Variants in PCDH7 observed in about 807,000 individuals in gnomAD.
The protein encoded by PCDH7 is protocadherin-7.
Under a neutral mutation model 58.9 loss-of-function variants are expected in PCDH7, and 17 were observed. The observed-to-expected ratio is 0.29, with a 90% CI of 0.20 to 0.43. The LOEUF (loss-of-function observed/expected upper bound fraction) is 0.43. Ranked by LOEUF, PCDH7 falls within the 20% of genes least tolerant of loss-of-function variation. The probability of loss-of-function intolerance (pLI) is 1.00; values close to 1 mark genes in which losing one functional copy is unlikely to be tolerated. For synonymous variants in PCDH7, 664 were observed against 616.4 expected (o/e 1.08, Z -1.14); for missense variants, 1,274 against 1,441.0 (o/e 0.88, Z 1.88).
At chr4:30,852,288 A>G (rs1049199869) in intron 1 of PCDH7, among the ~76,000 whole-genome samples, 1 of 152,080 alleles carries the variant, frequency 6.6e-6, no homozygotes. Context: ...TTATATGTAG[A>G]TATATACAGA....
At chr4:30,905,930 G>A (rs1740860877) in intron 1 of PCDH7, among the ~76,000 whole-genome samples, 1 of 152,166 alleles carries the variant, frequency 6.6e-6, no homozygotes, top group Non-Finnish European at 1.5e-5. Flanking sequence ...ATGAGGCTAA[G>A]AAGAAATCAC....
chr4:30,888,933 C>A (rs1392135115), intron 1 of PCDH7, among the ~76,000 whole-genome samples: 5 of 151,806 alleles, frequency 3.3e-5, no homozygotes, highest in Admixed American at 2.0e-4. Flanking sequence ...GTAATTCCAG[C>A]AATTTGGGAA....
intron 1 of PCDH7, among the ~76,000 whole-genome samples, chr4:30,810,530 A>C (rs1189527011): frequency 1.3e-5 from 2 of 152,022 alleles, no homozygotes; most frequent in Admixed American, 1.3e-4. Context: ...TTAAATGATG[A>C]AAACTCTTGT....
intron 3 of PCDH7, among the ~76,000 whole-genome samples, chr4:31,121,813 AG>A (rs1324413478): frequency 1.3e-5 from 2 of 152,150 alleles, no homozygotes; most frequent in African/African-American, 4.8e-5. Context: ...ATCTGTAAGG[AG>A]TTCCATTTTG....
chr4:30,780,771 T>C (rs1053490015), intron 1 of PCDH7, among the ~76,000 whole-genome samples: 3 of 152,188 alleles, frequency 2.0e-5, no homozygotes, highest in Non-Finnish European at 1.5e-5. Context: ...TATGTTTGTT[T>C]GTTTTTTCTT....
intron 1 of PCDH7, among the ~76,000 whole-genome samples, chr4:30,814,887 A>G (rs1560398242): frequency 1.3e-5 from 2 of 152,028 alleles, no homozygotes; most frequent in South Asian, 4.1e-4. Context: ...GTTAATTAAG[A>G]CTCATGAATT....
intron 1 of PCDH7, among the ~76,000 whole-genome samples, chr4:30,772,062 G>T (rs1721487097): frequency 6.6e-6 from 1 of 151,980 alleles, no homozygotes; most frequent in Non-Finnish European, 1.5e-5. Context: ...TAGAGATGGG[G>T]TCTCACCATG....
chr4:30,783,009 A>T (rs1224717399), intron 1 of PCDH7: 1 of 152,116 alleles, frequency 6.6e-6, no homozygotes, highest in African/African-American at 2.4e-5. Flanking sequence ...CATCTATACA[A>T]CTGTCACAGT....
chr4:31,101,211 TTA>T (rs1178430675), intron 3 of PCDH7, among the ~76,000 whole-genome samples: 1 of 152,170 alleles, frequency 6.6e-6, no homozygotes, highest in African/African-American at 2.4e-5. Flanking sequence ...CTTGCAAGAT[TTA>T]TAAGAACTAA....
Position 30,779,221 on chromosome 4 carries a change from T to C in PCDH7, c.70+54625T>C, listed in dbSNP as rs867914047. Reference sequence around the variant, plus strand: ...TGTGTTTTTAGTAGAGACGGGGTTTTGCCATGTTGCCCAGGCTGGTCTCAA... The same window carrying C: ...TGTGTTTTTAGTAGAGACGGGGTTTCGCCATGTTGCCCAGGCTGGTCTCAA... On this transcript the variant is annotated intron_variant, in intron 1 of 3. Transcript: ENST00000509759. Among the ~76,000 whole-genome samples, 7 of 151,746 alleles carry C rather than the reference T, an allele frequency of 4.6e-5. No individual in the cohort carries two copies. In the South Asian group the frequency reaches 1.5e-3, roughly 32 times the overall value.
At chr4:30,865,805 G>A (rs536821243) in intron 1 of PCDH7, among the ~76,000 whole-genome samples, 2 of 152,012 alleles carry the variant, frequency 1.3e-5, no homozygotes, top group Non-Finnish European at 2.9e-5. Flanking sequence ...GGAAGTAGCT[G>A]GCATACTTAT....
At chr4:30,999,113 G>T (rs1198209070) in intron 3 of PCDH7, among the ~76,000 whole-genome samples, 2 of 152,070 alleles carry the variant, frequency 1.3e-5, no homozygotes, top group Non-Finnish European at 2.9e-5. Flanking sequence ...AACTCTGGCT[G>T]TGACCTATAA....
At chr4:30,735,813 G>T (rs1361033301), downstream of PCDH7, among the ~76,000 whole-genome samples, 1 of 152,164 alleles carries the variant, frequency 6.6e-6, no homozygotes, top group East Asian at 1.9e-4. Flanking sequence ...CCAGGGCCTT[G>T]GTGACCATAA....
intron 1 of PCDH7, among the ~76,000 whole-genome samples, chr4:30,843,185 C>T (rs898170565): frequency 2.0e-5 from 3 of 151,156 alleles, no homozygotes; most frequent in African/African-American, 4.9e-5. Flanking sequence ...TTCCATCTTT[C>T]GAATATAGAA....
Position 30,982,146 on chromosome 4 carries a change from G to A in PCDH7, c.*7+31931G>A, listed in dbSNP as rs74417727. On this transcript the variant is annotated intron_variant, in intron 3 of 3. Coordinates refer to the PCDH7 transcript ENST00000509759. ...AATTGAGCCATTCTACTATGTGTAC[G>A]TATTTCAAAGCATCATGCACATGAA... is the stretch of plus-strand genomic sequence containing the variant. 8.6e-3 allele frequency among the ~76,000 whole-genome samples: 1,317 copies of A among 152,262 alleles called. 28 individuals are homozygous for A. Among genetic ancestry groups the A allele is most frequent in the African/African-American group, 0.03 (1,266 of 41,530 alleles).
At chr4:30,967,766 A>G (rs1306605625) in intron 3 of PCDH7, among the ~76,000 whole-genome samples, 2 of 152,176 alleles carry the variant, frequency 1.3e-5, no homozygotes, top group African/African-American at 2.4e-5. Flanking sequence ...TTAAGAAATG[A>G]GGTATCCATA....
At position 30,723,572 on chromosome 4, in the gene PCDH7, G is replaced by A; in HGVS notation, c.2150G>A (p.Gly717Glu). Residue 717 changes from glycine (G) to glutamate (E), a missense_variant, in exon 1 of 2, where the codon GGG (glycine) becomes GAG (glutamate). By Grantham distance (98) the Gly-to-Glu change is moderately conservative (BLOSUM62 -2). This residue lies in a region of PCDH7 where 731 missense variants were observed against 881.9 expected (regional missense o/e 0.83). Coordinates refer to ENST00000361762, the Ensembl canonical transcript of PCDH7. The surrounding 1 kb of genome is among the most constrained non-coding windows in gnomAD (Gnocchi z 4.6). Reference sequence around the variant, plus strand: ...ACTTTCAGAGTCAAGGCTGTGGATGGGGGAGATCCTCCCAGATCTGCCACA... The same window carrying A: ...ACTTTCAGAGTCAAGGCTGTGGATGAGGGAGATCCTCCCAGATCTGCCACA... The A allele has an allele frequency of 6.2e-7, 1 of 1,614,080 alleles. No individual in the cohort carries two copies. Among genetic ancestry groups the A allele is most frequent in the Non-Finnish European group, 8.5e-7 (1 of 1,179,970 alleles).
intron 3 of PCDH7, among the ~76,000 whole-genome samples, chr4:30,950,436 A>G (rs1169337092): frequency 6.6e-6 from 1 of 152,208 alleles, no homozygotes; most frequent in Admixed American, 6.5e-5. Context: ...AGAATTAATG[A>G]TATTATTCTC....
chr4:30,985,097 C>G (rs1044815199), intron 3 of PCDH7, among the ~76,000 whole-genome samples: 3 of 152,090 alleles, frequency 2.0e-5, no homozygotes, highest in African/African-American at 7.2e-5. Context: ...GCTGGGATTA[C>G]AGGTGCCTGC....
Sources: allele counts gnomAD v4.1 joint callset (sites outside exome capture counted in the v4.1 genomes callset), GRCh38; gene constraint gnomAD v4.1.1; regional missense constraint gnomAD v4.1.1; non-coding constraint Gnocchi (gnomAD v3.1); transcripts MANE v1.5; gene names NCBI Gene and HGNC (gene_info 2026-07-23, HGNC 2026-07-21).